The following CEP120 variants were observed in gnomAD, a reference collection of about 807,000 sequenced individuals.
CEP120 encodes the protein centrosomal protein of 120 kDa.
CEP120 carries 113 observed loss-of-function variants against 126.5 expected under a neutral mutation model. That is an observed-to-expected ratio of 0.89 (90% CI 0.77 to 1.04). The LOEUF (loss-of-function observed/expected upper bound fraction) is 1.04, where lower values mean the gene tolerates loss of function less well. Ranked by LOEUF, CEP120 falls within the 50% of genes least tolerant of loss-of-function variation. The pLI is 0.00. For missense variants in CEP120, 1,230 were observed against 1,155.7 expected, an observed-to-expected ratio of 1.06 and a Z score of -0.93; for synonymous variants, 400 against 394.3, an observed-to-expected ratio of 1.01 and a Z score of -0.17.
At chr5:123,349,833 T>C in intron 19 of CEP120, 111 bp downstream of exon 19, 2 of 857,052 alleles carry the variant, frequency 2.3e-6, no homozygotes, top group South Asian at 3.8e-5. Context: ...ATATGTCTGC[T>C]ACATTTTATA....
intron 5 of CEP120, 121 bp from the exon 6 acceptor site, chr5:123,393,618 T>C (rs992009552): frequency 2.6e-6 from 2 of 763,568 alleles, no homozygotes; most frequent in African/African-American, 3.5e-5. Flanking sequence ...TCTTAACCGC[T>C]CAAATAAAAT....
At chr5:123,416,536 A>G (rs1025266105) in intron 2 of CEP120, among the ~76,000 whole-genome samples, 8 of 152,104 alleles carry the variant, frequency 5.3e-5, no homozygotes, top group Admixed American at 2.0e-4. Context: ...GCGCCACTAC[A>G]CTCCAGCCTG....
chr5:123,415,148 T>G (rs1440715177), intron 3 of CEP120, among the ~76,000 whole-genome samples: 1 of 152,150 alleles, frequency 6.6e-6, no homozygotes, highest in Non-Finnish European at 1.5e-5. Context: ...TTGCTCTGAC[T>G]GCTATGCAAG....
At chr5:123,356,999 A>T (rs903772075) in intron 18 of CEP120, among the ~76,000 whole-genome samples, 8 of 152,084 alleles carry the variant, frequency 5.3e-5, no homozygotes, top group Non-Finnish European at 1.0e-4. Context: ...AAATTCTGCC[A>T]ATTTTTGTCA....
intron 16 of CEP120, among the ~76,000 whole-genome samples, chr5:123,374,201 A>G (rs1771048258): frequency 6.6e-6 from 1 of 152,154 alleles, no homozygotes; most frequent in Non-Finnish European, 1.5e-5. Context: ...ATTCCTTCAT[A>G]CTAATAGGTA....
chr5:123,423,311 CGCCCGGGCGGCCGCAGCG>C lies in CEP120; in HGVS notation c.-331_-314del, dbSNP rs1351149020. 1 of 385,532 alleles carries C rather than the reference CGCCCGGGCGGCCGCAGCG, an allele frequency of 2.6e-6. No homozygotes were observed. Among genetic ancestry groups the C allele is most frequent in the Non-Finnish European group, 4.7e-6 (1 of 213,688 alleles). 23.9% of individuals were successfully genotyped at this position (385,532 alleles called of 1,614,324 possible). On this transcript the variant is annotated 5_prime_UTR_variant, in exon 1 of 20. Transcript: ENST00000306467. ...GCCGCCTGCGTAGCCGCTTTTCAAACGCCCGGGCGGCCGCAGCGGCCGCCGCCGCGCCCAGCTTCCGCC... is the reference window on the plus strand; with the variant it reads ...GCCGCCTGCGTAGCCGCTTTTCAAACGCCGCCGCCGCGCCCAGCTTCCGCC...
chr5:123,364,338 A>C (rs1770302028), intron 18 of CEP120, among the ~76,000 whole-genome samples, 158 bp downstream of exon 18: 2 of 151,734 alleles, frequency 1.3e-5, no homozygotes, highest in South Asian at 2.1e-4. Context: ...AAAAAGAAGG[A>C]TCTTGCCTTT....
At chr5:123,394,570 A>C (rs2127078840) in intron 5 of CEP120, among the ~76,000 whole-genome samples, 1 of 152,328 alleles carries the variant, frequency 6.6e-6, no homozygotes, top group East Asian at 1.9e-4. Context: ...ACCAGTCCGC[A>C]GCCTGAGGGT....
At chr5:123,359,594 T>G (rs1036897890) in intron 18 of CEP120, among the ~76,000 whole-genome samples, 1 of 152,016 alleles carries the variant, frequency 6.6e-6, no homozygotes, top group Non-Finnish European at 1.5e-5. Flanking sequence ...CTTACAAGTC[T>G]AACAAGTAGA....
At chr5:123,361,733 T>G (rs1045922282) in intron 18 of CEP120, among the ~76,000 whole-genome samples, 5 of 151,830 alleles carry the variant, frequency 3.3e-5, no homozygotes, top group South Asian at 2.1e-4. Flanking sequence ...CCCCACTGAC[T>G]GAACGCACCA....
intron 4 of CEP120, among the ~76,000 whole-genome samples, chr5:123,408,389 A>G (rs1377008270): frequency 6.6e-6 from 1 of 152,096 alleles, no homozygotes; most frequent in Non-Finnish European, 1.5e-5. Flanking sequence ...AATAAGAAAA[A>G]AAAAAAAGAA....
At chr5:123,410,531 C>G (rs997799418) in intron 4 of CEP120, among the ~76,000 whole-genome samples, 5 of 152,164 alleles carry the variant, frequency 3.3e-5, no homozygotes, top group Non-Finnish European at 5.9e-5. Context: ...AATAGACTCA[C>G]ATAAGTAAAG....
At chr5:123,422,691 G>A in intron 1 of CEP120, 1 of 796,058 alleles carries the variant, frequency 1.3e-6, no homozygotes, top group Non-Finnish European at 2.0e-6. Context: ...TGCTTTGGAT[G>A]AAAATCGTTT....
In CEP120 at chr5:123,345,182, G is replaced by C. The variant is rs537645025; in HGVS notation, c.*1337C>G. 1 of 152,016 alleles carries C rather than the reference G, an allele frequency of 6.6e-6. No homozygotes were observed. The highest frequency in any genetic ancestry group is 1.9e-4 in the East Asian group (1 of 5,174). The allele number at this position is 152,016 out of a possible 1,614,324, so 9.4% of individuals were successfully genotyped here. A position where few individuals can be genotyped will look rare whatever the true frequency, so the allele number is the denominator to read the frequency against. ...ACCATAATTAATATTGCAAATTCCT[G>C]CTATGATTCAGATTCATTATCCTCT... is the stretch of plus-strand genomic sequence containing the variant. On this transcript the variant is annotated 3_prime_UTR_variant, in exon 20 of 20. Transcript: ENST00000306467.
intron 14 of CEP120, among the ~76,000 whole-genome samples, chr5:123,379,121 T>C (rs542552569): frequency 6.6e-6 from 1 of 152,088 alleles, no homozygotes; most frequent in Admixed American, 6.6e-5. Flanking sequence ...AAGGATTGTT[T>C]GTTAAGACAA....
At position 123,390,060 on chromosome 5, in the gene CEP120, C is replaced by G. The variant is rs201571160; in HGVS notation, c.1119G>C (p.Lys373Asn). The G allele has an allele frequency of 8.8e-5, 142 of 1,614,022 alleles. No individual in the cohort carries two copies. In the African/African-American group the frequency reaches 1.7e-3, roughly 19 times the overall value. ...TTGGTGATTTTGGCCCAGTAAGTGT[C>G]TTCTCCTTTATGGGGGTTAAAACTT... ...KKKVLTPIKE[K>N]TLTGPKSPTV... The change falls in exon 8 of 20, where the codon AAG becomes AAC. Residue 373 changes from lysine to asparagine, a missense_variant. Transcript: ENST00000306467.
Position 123,399,266 on chromosome 5 carries a change from C to T in CEP120, c.482G>A (p.Gly161Glu), listed in dbSNP as rs527359023. The T allele has an allele frequency of 5.9e-5, 95 of 1,614,092 alleles. 1 individual carries two copies. The South Asian group carries it at 1.0e-3, about 17-fold the overall frequency. ...RDGKVPAILAGLDPRDIVAVL... is the reference protein window; with the variant it reads ...RDGKVPAILAELDPRDIVAVL... ...AGCCACAATGTCCCTGGGGTCAAGT[C>T]CAGCCAGGATGGCAGGTACTTTACA... Residue 161 changes from glycine to glutamate, a missense_variant, in exon 5 of 20, where the codon GGA becomes GAA. By Grantham distance (98) the Gly-to-Glu change is moderately conservative (BLOSUM62 -2). Transcript: ENST00000306467.
intron 17 of CEP120, among the ~76,000 whole-genome samples, chr5:123,367,338 T>A (rs1166112693): frequency 6.6e-6 from 1 of 151,954 alleles, no homozygotes; most frequent in Non-Finnish European, 1.5e-5. Context: ...TTTCCACCTA[T>A]GTAGGCCCTA....
At chr5:123,388,298 C>G in intron 9 of CEP120, 134 bp downstream of exon 9, 1 of 530,002 alleles carries the variant, frequency 1.9e-6, no homozygotes. Flanking sequence ...TAGGATATAG[C>G]CTTACCCCCT....
Sources: gnomAD v4.1 joint callset for allele counts (sites outside exome capture counted in the v4.1 genomes callset) on GRCh38, gnomAD v4.1.1 for gene constraint, MANE v1.5 for transcripts, NCBI Gene and HGNC (gene_info 2026-07-23, HGNC 2026-07-21) for gene names.